IL13RA1: variants seen among roughly 807,000 people sequenced by gnomAD.
IL13RA1 encodes the protein interleukin 13 receptor subunit alpha 1.
In IL13RA1, 14 loss-of-function variants were observed where a neutral mutation model predicts 33.8. The observed-to-expected ratio is 0.41, with a 90% CI of 0.27 to 0.65. IL13RA1 has a LOEUF of 0.65. Ranked by LOEUF, IL13RA1 falls within the 30% of genes least tolerant of loss-of-function variation. The pLI, the probability that IL13RA1 is intolerant of heterozygous loss-of-function variation, is 0.28. For missense variants in IL13RA1, 313 were observed against 327.0 expected (o/e 0.96, Z 0.33); for synonymous variants, 116 against 115.7 (o/e 1.00, Z -0.02).
rs774995436 is a variant in IL13RA1 at position 118,778,063 on chromosome X, C to T, written c.1191+1552C>T. On this transcript the variant is annotated intron_variant, in intron 10 of 10. Coordinates refer to ENST00000371666, the MANE Select transcript of IL13RA1 (RefSeq NM_001560.3). ...AAATGGAGGTAACAATAGCACCTGC[C>T]TCATAGTGTTGTTATGTGGATTAAC... Among the ~76,000 whole-genome samples the T allele has an allele frequency of 2.3e-3, 254 of 111,590 alleles. 2 individuals are homozygous for T. The highest frequency in any genetic ancestry group is 7.7e-3 in the African/African-American group (238 of 30,719).
chrX:118,783,358 G>T (rs776949372), intron 10 of IL13RA1, among the ~76,000 whole-genome samples: 1 of 111,648 alleles, frequency 9.0e-6, no homozygotes, highest in African/African-American at 3.3e-5. Flanking sequence ...ATTGAATTTT[G>T]GGCTGGTAAT....
At chrX:118,774,198 G>A (rs774547183) in intron 9 of IL13RA1, among the ~76,000 whole-genome samples, 5 of 103,575 alleles carry the variant, frequency 4.8e-5, no homozygotes, top group East Asian at 6.0e-4. Context: ...TGCCCAGGCT[G>A]GAGCGCAGTG....
At chrX:118,786,920 T>A (rs1294085230) in intron 10 of IL13RA1, among the ~76,000 whole-genome samples, 1 of 112,392 alleles carries the variant, frequency 8.9e-6, no homozygotes, top group Non-Finnish European at 1.9e-5. Flanking sequence ...ATAAATTTGC[T>A]TGCTGAAGTT....
chrX:118,767,052 G>A, intron 8 of IL13RA1, 76 bp downstream of exon 8: 1 of 525,070 alleles, frequency 1.9e-6, no homozygotes. Flanking sequence ...AATAGACTGG[G>A]GAAAGGGACT....
At chrX:118,758,286 G>A (rs2017555757) in intron 5 of IL13RA1, 44 bp downstream of exon 5, 1 of 553,048 alleles carries the variant, frequency 1.8e-6, no homozygotes, top group East Asian at 3.3e-5. Context: ...TAAAAAGTGT[G>A]TTATATCTTT....
chrX:118,788,191 C>T (rs1027160977), intron 10 of IL13RA1, among the ~76,000 whole-genome samples: 3 of 111,884 alleles, frequency 2.7e-5, no homozygotes, highest in Middle Eastern at 4.2e-3. Flanking sequence ...CAGGTCCCTC[C>T]GTTCGGGGTC....
chrX:118,736,501 A>G lies in IL13RA1; in HGVS notation c.89-4516A>G, dbSNP rs1310048747. Among the ~76,000 whole-genome samples, 3 of 111,799 alleles carry G rather than the reference A, an allele frequency of 2.7e-5. No homozygotes were observed. The East Asian group carries it at 8.3e-4, about 31-fold the overall frequency. The stretch of plus-strand genomic sequence containing the variant: ...ATTGTAGGCTGTCTGTGTGTTGAGC[A>G]TCAACCTGAAGTGTAAACTTAGTCT... On this transcript the variant is annotated intron_variant, in intron 1 of 10. Coordinates refer to ENST00000371666, the MANE Select transcript of IL13RA1 (RefSeq NM_001560.3).
chrX:118,771,964 C>T (rs1367773215), intron 8 of IL13RA1, among the ~76,000 whole-genome samples: 1 of 111,705 alleles, frequency 9.0e-6, no homozygotes, highest in Non-Finnish European at 1.9e-5. Flanking sequence ...CAGAGTGAGA[C>T]TCTGTCTCAA....
chrX:118,781,927 A>G (rs1396973974), intron 10 of IL13RA1, among the ~76,000 whole-genome samples: 1 of 111,892 alleles, frequency 8.9e-6, no homozygotes, highest in East Asian at 2.8e-4. Flanking sequence ...AACACAGATA[A>G]TCTGTGTAGT....
rs201573016 is a variant in IL13RA1, at chrX:118,770,250, A to G, written c.1009+3274A>G. 3.1e-5 allele frequency: 10 copies of G among 320,592 alleles called. No individual in the cohort carries two copies. The East Asian group carries it at 6.6e-4, about 21-fold the overall frequency. 26.4% of individuals were successfully genotyped at this position (320,592 alleles called of 1,213,427 possible). A position where few individuals can be genotyped will look rare whatever the true frequency, so the allele number is the denominator to read the frequency against. On this transcript the variant is annotated intron_variant, in intron 8 of 10. Transcript: ENST00000371666. ...AGTGCACCCACTGCGCCGCCTGCCC[A>G]TCGTGCACCCTGCAATGTCATCACC...
intron 3 of IL13RA1, among the ~76,000 whole-genome samples, chrX:118,748,039 A>G (rs868551652): frequency 1.9e-5 from 1 of 51,647 alleles, no homozygotes; most frequent in East Asian, 4.9e-4. Context: ...GTGTGTGTGT[A>G]CACACACAAA....
At position 118,793,619 on chromosome X, in the gene IL13RA1, C is replaced by T. The variant is rs1963358610; in HGVS notation, c.*1765C>T. On this transcript the variant is annotated 3_prime_UTR_variant, in exon 11 of 11. Coordinates refer to ENST00000371666, the MANE Select transcript of IL13RA1 (RefSeq NM_001560.3). ...ATTTCCCCCACCCCATTTCTCTCCT[C>T]ACACACAGACTCATATTACTGGTAG... The T allele has an allele frequency of 8.9e-6, 1 of 112,160 alleles. No individual in the cohort carries two copies. Among genetic ancestry groups the T allele is most frequent in the Non-Finnish European group, 1.9e-5 (1 of 53,247 alleles). The allele number at this position is 112,160 out of a possible 1,213,427, so 9.2% of individuals were successfully genotyped here.
At chrX:118,768,838 A>G (rs1410983054) in intron 8 of IL13RA1, among the ~76,000 whole-genome samples, 1 of 112,019 alleles carries the variant, frequency 8.9e-6, no homozygotes, top group Admixed American at 9.5e-5. Flanking sequence ...CCTCAGAGGG[A>G]GCATAGCCCT....
At position 118,770,367 on chromosome X, in the gene IL13RA1, C is replaced by T. The variant is rs1251608647; in HGVS notation, c.1009+3391C>T. 1.6e-5 allele frequency: 6 copies of T among 370,411 alleles called. No individual in the cohort carries two copies. In the East Asian group the frequency reaches 4.6e-4, roughly 28 times the overall value. The allele number at this position is 370,411 out of a possible 1,213,427, so 30.5% of individuals were successfully genotyped here. On this transcript the variant is annotated intron_variant, in intron 8 of 10. Transcript: ENST00000371666. ...CCGCGCTACCGCACTGCACCTGCATCACCCGGTAGACCAACTACCCCATCA... is the reference window on the plus strand; with the variant it reads ...CCGCGCTACCGCACTGCACCTGCATTACCCGGTAGACCAACTACCCCATCA...
Position 118,791,834 on chromosome X carries a change from C to G in IL13RA1, c.1264C>G (p.Leu422Val). ...CGACTCTGTAGTGCTGATAGAAAAC[C>G]TGAAGAAAGCCTCTCAGTGATGGAG... is the stretch of plus-strand genomic sequence containing the variant. ...ETDSVVLIEN[L>V]KKASQ Residue 422 changes from leucine (L) to valine (V), a missense_variant, in exon 11 of 11, where the codon CTG becomes GTG. Coordinates refer to ENST00000371666, the MANE Select transcript of IL13RA1 (RefSeq NM_001560.3). 1.0e-6 allele frequency: 1 copy of G among 973,825 alleles called. No individual in the cohort carries two copies. The highest frequency in any genetic ancestry group is 2.3e-5 in the Admixed American group (1 of 44,104). The allele number at this position is 973,825 out of a possible 1,213,427, so 80.3% of individuals were successfully genotyped here. A position where few individuals can be genotyped will look rare whatever the true frequency, so the allele number is the denominator to read the frequency against.
At chrX:118,727,824 C>G in intron 1 of IL13RA1, 98 bp downstream of exon 1, 1 of 350,913 alleles carries the variant, frequency 2.8e-6, no homozygotes, top group Non-Finnish European at 4.3e-6. Flanking sequence ...GGCGGAGGGC[C>G]GAAGCTGGGG....
At chrX:118,795,910 G>C (rs745540223), downstream of IL13RA1, among the ~76,000 whole-genome samples, 2 of 112,434 alleles carry the variant, frequency 1.8e-5, no homozygotes, top group South Asian at 3.7e-4. Context: ...CCTAACGGTT[G>C]AGTCAAACAA....
chrX:118,795,227 A>AAAAAAAAAAAAAAAAAAAAAAG (rs200347606), downstream of IL13RA1, among the ~76,000 whole-genome samples: 21 of 94,984 alleles, frequency 2.2e-4, 1 homozygote, highest in African/African-American at 8.6e-4. Flanking sequence ...AAAAAAAAAA[A>AAAAAAAAAAAAAAAAAAAAAAG]AAAGAAAAAG....
intron 4 of IL13RA1, among the ~76,000 whole-genome samples, chrX:118,750,846 A>T (rs1375229173): frequency 9.0e-6 from 1 of 111,391 alleles, no homozygotes; most frequent in Non-Finnish European, 1.9e-5. Context: ...TTGCTCTGTC[A>T]CCCAGGCTAG....
Sources: gnomAD v4.1 joint callset for allele counts (sites outside exome capture counted in the v4.1 genomes callset) on GRCh38, gnomAD v4.1.1 for gene constraint, MANE v1.5 for transcripts, NCBI Gene and HGNC (gene_info 2026-07-23, HGNC 2026-07-21) for gene names.